Variants in NAPB observed in about 807,000 individuals in gnomAD.
The protein encoded by NAPB is NSF attachment protein beta.
In NAPB, 26 loss-of-function variants were observed where a neutral mutation model predicts 44.7. The observed-to-expected ratio is 0.58, with a 90% confidence interval of 0.43 to 0.81. The LOEUF (loss-of-function observed/expected upper bound fraction) is 0.81, where lower values mean the gene tolerates loss of function less well. Ranked by LOEUF, NAPB falls within the 30% of genes least tolerant of loss-of-function variation. The pLI is 0.00. For synonymous variants in NAPB, 120 were observed against 116.8 expected, an observed-to-expected ratio of 1.03 and a Z score of -0.18; for missense variants, 315 against 356.4, an observed-to-expected ratio of 0.88 and a Z score of 0.94.
At chr20:23,419,216 T>G (rs1413658985) in intron 1 of NAPB, among the ~76,000 whole-genome samples, 1 of 152,216 alleles carries the variant, frequency 6.6e-6, no homozygotes, top group Non-Finnish European at 1.5e-5. Context: ...TAACTTGCCC[T>G]AGGTCCCAAA....
intron 5 of NAPB, among the ~76,000 whole-genome samples, chr20:23,393,087 C>A (rs1331841341): frequency 6.6e-6 from 1 of 152,122 alleles, no homozygotes; most frequent in African/African-American, 2.4e-5. Context: ...TCCCAGACAC[C>A]CTGACCAAAT....
intron 2 of NAPB, among the ~76,000 whole-genome samples, chr20:23,402,045 G>A (rs184355987): frequency 2.4e-3 from 363 of 152,322 alleles, no homozygotes; most frequent in Non-Finnish European, 3.9e-3. Flanking sequence ...TAATTCAGGC[G>A]TAGGTGTGTT....
intron 2 of NAPB, among the ~76,000 whole-genome samples, chr20:23,401,515 T>A (rs1332814649): frequency 6.6e-6 from 1 of 152,128 alleles, no homozygotes; most frequent in Non-Finnish European, 1.5e-5. Context: ...CTTAGTTACA[T>A]ACATGATCAG....
At chr20:23,383,899 TA>T (rs1297468848) in intron 7 of NAPB, among the ~76,000 whole-genome samples, 4 of 152,132 alleles carry the variant, frequency 2.6e-5, no homozygotes, top group Non-Finnish European at 4.4e-5. Context: ...ATATATTGAA[TA>T]GGGGGAGTAA....
chr20:23,405,069 G>A (rs1282797682), intron 1 of NAPB, among the ~76,000 whole-genome samples: 11 of 152,132 alleles, frequency 7.2e-5, no homozygotes, highest in African/African-American at 1.9e-4. Context: ...TTGGGAGGCC[G>A]AGGCTGGAGG....
intron 1 of NAPB, among the ~76,000 whole-genome samples, chr20:23,418,466 G>A (rs144062525): frequency 3.3e-5 from 5 of 152,128 alleles, no homozygotes; most frequent in Admixed American, 6.5e-5. Flanking sequence ...GGAACACTAC[G>A]TCTGTTTTCT....
Position 23,377,254 on chromosome 20 carries a change from C to A in NAPB, c.*122G>T. 1 of 503,222 alleles carries A rather than the reference C, an allele frequency of 2.0e-6. No individual in the cohort carries two copies. The highest frequency in any genetic ancestry group is 3.5e-6 in the Non-Finnish European group (1 of 284,048). The allele number at this position is 503,222 out of a possible 1,614,324, so 31.2% of individuals were successfully genotyped here. A position where few individuals can be genotyped will look rare whatever the true frequency, so the allele number is the denominator to read the frequency against. On this transcript the variant is annotated 3_prime_UTR_variant, in exon 11 of 11. Coordinates refer to ENST00000377026, the MANE Select transcript of NAPB (RefSeq NM_022080.3). ...ACAGACTTGGCGAGCTTAAACAATA[C>A]ACAGGCCGTCTGGCTCATATGCAAC...
chr20:23,417,081 T>C (rs987799680), intron 1 of NAPB, among the ~76,000 whole-genome samples: 2 of 136,122 alleles, frequency 1.5e-5, no homozygotes, highest in Non-Finnish European at 3.1e-5. Context: ...TCCACTGGCA[T>C]TCTTTTTTTT....
intron 1 of NAPB, among the ~76,000 whole-genome samples, chr20:23,408,756 T>A (rs960637604): frequency 1.3e-5 from 2 of 152,196 alleles, no homozygotes; most frequent in East Asian, 3.8e-4. Context: ...GGAAGAGATA[T>A]TTTTACATGT....
At chr20:23,408,664 G>C (rs1406861461) in intron 1 of NAPB, among the ~76,000 whole-genome samples, 1 of 152,132 alleles carries the variant, frequency 6.6e-6, no homozygotes, top group East Asian at 1.9e-4. Flanking sequence ...TTTTAAAACA[G>C]TACAAATCTT....
Position 23,416,489 on chromosome 20 carries a change from T to C in NAPB, c.98+4816A>G, listed in dbSNP as rs550506890. Among the ~76,000 whole-genome samples, 6 of 152,218 alleles carry C rather than the reference T, an allele frequency of 3.9e-5. 1 individual carries two copies. In the East Asian group the frequency reaches 1.2e-3, roughly 29 times the overall value. On this transcript the variant is annotated intron_variant, in intron 1 of 10. Coordinates refer to ENST00000377026, the MANE Select transcript of NAPB (RefSeq NM_022080.3). ...TCTGAAAACTAAAAAAAACAAGTTC[T>C]GAGTATGATTTACTTGACTATAGTC...
At chr20:23,390,181 A>G in intron 6 of NAPB, 28 bp downstream of exon 6, 1 of 1,574,692 alleles carries the variant, frequency 6.4e-7, no homozygotes, top group East Asian at 2.2e-5. Flanking sequence ...AAAACCCATT[A>G]AATCATATTA....
chr20:23,402,912 T>A, intron 2 of NAPB, 81 bp downstream of exon 2: 2 of 1,111,356 alleles, frequency 1.8e-6, no homozygotes, highest in Non-Finnish European at 2.7e-6. Context: ...GTCTTGCTCT[T>A]CAAGGGGAAA....
intron 1 of NAPB, among the ~76,000 whole-genome samples, chr20:23,413,900 CAA>C (rs767830957): frequency 1.4e-4 from 18 of 128,616 alleles, no homozygotes; most frequent in Non-Finnish European, 8.4e-5. Context: ...GACCAGAGTC[CAA>C]AAAAAAAAAA....
At chr20:23,414,464 G>A (rs7260937) in intron 1 of NAPB, among the ~76,000 whole-genome samples, 3,127 of 152,178 alleles carry the variant, frequency 0.021, 113 homozygotes, top group African/African-American at 0.071. Flanking sequence ...TAACTCTTAA[G>A]GAGAAAAATG....
chr20:23,390,116 G>T (rs1448528527), intron 6 of NAPB, 86 bp from the exon 7 acceptor site: 15 of 1,511,858 alleles, frequency 9.9e-6, no homozygotes, highest in Non-Finnish European at 1.4e-5. Context: ...TCTTCATTTG[G>T]TATAGTCAAA....
intron 1 of NAPB, among the ~76,000 whole-genome samples, chr20:23,417,786 A>G (rs1396486953): frequency 6.6e-6 from 1 of 152,080 alleles, no homozygotes; most frequent in Non-Finnish European, 1.5e-5. Flanking sequence ...ATCCCTTGTC[A>G]GCTCTTTTCC....
At chr20:23,402,279 C>T (rs73901857) in intron 2 of NAPB, among the ~76,000 whole-genome samples, 3,085 of 152,216 alleles carry the variant, frequency 0.02, 85 homozygotes, top group African/African-American at 0.071. Flanking sequence ...CTCTGGTCAA[C>T]GGTGGTCTCC....
intron 1 of NAPB, among the ~76,000 whole-genome samples, chr20:23,408,762 C>A (rs1451747639): frequency 6.6e-6 from 1 of 152,174 alleles, no homozygotes; most frequent in African/African-American, 2.4e-5. Context: ...GATATTTTTA[C>A]ATGTTCTCAA....
Sources: gnomAD v4.1 joint callset for allele counts (sites outside exome capture counted in the v4.1 genomes callset) on GRCh38, gnomAD v4.1.1 for gene constraint, MANE v1.5 for transcripts, NCBI Gene and HGNC (gene_info 2026-07-23, HGNC 2026-07-21) for gene names.